RPS6KA5: variants seen among roughly 807,000 people sequenced by gnomAD.
RPS6KA5 encodes the protein ribosomal protein S6 kinase A5.
RPS6KA5 carries 27 observed loss-of-function variants against 85.5 expected under a neutral mutation model. The ratio of observed to expected loss-of-function variants is 0.32; its 90% CI spans 0.23 to 0.44. The LOEUF is 0.44. Among genes scored for constraint, RPS6KA5 ranks in the 20% least tolerant of loss-of-function variants. The probability of loss-of-function intolerance (pLI) is 1.00; values close to 1 mark genes in which losing one functional copy is unlikely to be tolerated. For missense variants in RPS6KA5, 811 were observed against 980.9 expected (o/e 0.83, Z 2.31); for synonymous variants, 334 against 348.2 (o/e 0.96, Z 0.46).
intron 3 of RPS6KA5, among the ~76,000 whole-genome samples, chr14:90,976,718 G>T (rs1312395255): frequency 6.6e-6 from 1 of 152,110 alleles, no homozygotes; most frequent in African/African-American, 2.4e-5. Flanking sequence ...TGGAACAATA[G>T]GCAAATGATA....
intron 14 of RPS6KA5, among the ~76,000 whole-genome samples, chr14:90,877,300 G>A (rs1455085864): frequency 6.6e-6 from 1 of 152,176 alleles, no homozygotes; most frequent in South Asian, 2.1e-4. Flanking sequence ...TCTAAGAAGG[G>A]CAATGTCAGA....
At chr14:91,037,106 A>G (rs1453324569) in intron 1 of RPS6KA5, among the ~76,000 whole-genome samples, 1 of 152,208 alleles carries the variant, frequency 6.6e-6, no homozygotes, top group East Asian at 1.9e-4. Context: ...GGGGACAGGA[A>G]AGAACTTATC....
intron 3 of RPS6KA5, among the ~76,000 whole-genome samples, chr14:90,953,595 G>A (rs2038338233): frequency 2.0e-5 from 3 of 152,164 alleles, no homozygotes; most frequent in African/African-American, 7.2e-5. Context: ...AAACGGACGT[G>A]CAAGTAGGGA....
intron 7 of RPS6KA5, among the ~76,000 whole-genome samples, chr14:90,917,398 C>A (rs943178553): frequency 1.3e-5 from 2 of 149,984 alleles, no homozygotes; most frequent in Non-Finnish European, 3.0e-5. Flanking sequence ...TTCCCACATA[C>A]AAAGTATATA....
intron 12 of RPS6KA5, among the ~76,000 whole-genome samples, chr14:90,898,465 T>A (rs1405882982): frequency 6.6e-6 from 1 of 152,316 alleles, no homozygotes; most frequent in East Asian, 1.9e-4. Flanking sequence ...GTCACAGATA[T>A]TACAACAGCA....
At chr14:90,953,543 G>A (rs971808350) in intron 3 of RPS6KA5, among the ~76,000 whole-genome samples, 3 of 152,176 alleles carry the variant, frequency 2.0e-5, no homozygotes, top group African/African-American at 7.2e-5. Context: ...CTGCAGGGTT[G>A]GGCAAAATAG....
intron 1 of RPS6KA5, among the ~76,000 whole-genome samples, chr14:91,033,226 A>G (rs1393766100): frequency 6.6e-6 from 1 of 151,508 alleles, no homozygotes; most frequent in Non-Finnish European, 1.5e-5. Flanking sequence ...GTTCAACCTC[A>G]CTAATAATAA....
chr14:90,996,180 A>AT (rs2040510751), intron 2 of RPS6KA5, among the ~76,000 whole-genome samples: 1 of 151,200 alleles, frequency 6.6e-6, no homozygotes, highest in African/African-American at 2.4e-5. Context: ...GCCCAGGCTA[A>AT]TTTGTTTTTT....
At chr14:91,026,803 C>T (rs893102754) in intron 1 of RPS6KA5, among the ~76,000 whole-genome samples, 2 of 152,122 alleles carry the variant, frequency 1.3e-5, no homozygotes, top group African/African-American at 4.8e-5. Flanking sequence ...TATTTTTTTA[C>T]TTTCTAATAA....
At chr14:90,954,440 G>A (rs996455912) in intron 3 of RPS6KA5, among the ~76,000 whole-genome samples, 21 of 152,162 alleles carry the variant, frequency 1.4e-4, no homozygotes, top group African/African-American at 4.6e-4. Context: ...TTGAGAGAAA[G>A]TCTCCCTCTG....
chr14:90,848,583 T>C lies in RPS6KA5; in HGVS notation c.*23491A>G, dbSNP rs1047961020. 9 of 152,112 alleles carry C rather than the reference T, an allele frequency of 5.9e-5. No homozygotes were observed. Among genetic ancestry groups the C allele is most frequent in the African/African-American group, 1.9e-4 (8 of 41,432 alleles). 9.4% of individuals were successfully genotyped at this position (152,112 alleles called of 1,614,324 possible). ...AAAGGAAAATGACATAAAATGAAGA[T>C]ACAAAATAAAATTGATCCTTGATGT... On this transcript the variant is annotated 3_prime_UTR_variant, in exon 17 of 17. Coordinates refer to ENST00000614987, the MANE Select transcript of RPS6KA5 (RefSeq NM_004755.4).
At chr14:90,886,084 A>G (rs970983390) in intron 14 of RPS6KA5, among the ~76,000 whole-genome samples, 1 of 152,074 alleles carries the variant, frequency 6.6e-6, no homozygotes, top group African/African-American at 2.4e-5. Flanking sequence ...ATAAAGATAT[A>G]TATGTATGTC....
intron 1 of RPS6KA5, among the ~76,000 whole-genome samples, chr14:91,050,445 T>A (rs2043030180): frequency 6.6e-6 from 1 of 151,866 alleles, no homozygotes; most frequent in South Asian, 2.1e-4. Context: ...GTTTGTTTGT[T>A]TTTGGCACAG....
chr14:90,891,784 G>A (rs1278679046), intron 13 of RPS6KA5, among the ~76,000 whole-genome samples: 1 of 152,166 alleles, frequency 6.6e-6, no homozygotes, highest in Non-Finnish European at 1.5e-5. Flanking sequence ...TTGAATTTGT[G>A]ACACTGAAGC....
rs2032273755 is a variant in RPS6KA5, at chr14:90,856,134, G to A, written c.*15940C>T. 1 of 152,236 alleles carries A rather than the reference G, an allele frequency of 6.6e-6. No homozygotes were observed. The highest frequency in any genetic ancestry group is 1.5e-5 in the Non-Finnish European group (1 of 68,050). 9.4% of individuals were successfully genotyped at this position (152,236 alleles called of 1,614,324 possible). A position where few individuals can be genotyped will look rare whatever the true frequency, so the allele number is the denominator to read the frequency against. On this transcript the variant is annotated 3_prime_UTR_variant, in exon 17 of 17. Coordinates refer to ENST00000614987, the MANE Select transcript of RPS6KA5 (RefSeq NM_004755.4). ...ATAATGGGAAAAGTATGATTCCCAAGGAGGTTCCCTTTCTCTGTTAAGCTG... is the reference window on the plus strand; with the variant it reads ...ATAATGGGAAAAGTATGATTCCCAAAGAGGTTCCCTTTCTCTGTTAAGCTG...
rs150558776 is a variant in RPS6KA5 at position 90,908,306 on chromosome 14, T to C, written c.807-2007A>G. Among the ~76,000 whole-genome samples, 1,186 of 152,130 alleles carry C rather than the reference T, an allele frequency of 7.8e-3. 19 individuals carry two copies. Among genetic ancestry groups the C allele is most frequent in the African/African-American group, 0.027 (1,130 of 41,490 alleles). ...GAGGCAGGGACCACACTGGGAGAAATTGAGTACAAATCTGAAAGCATGTCG... is the reference window on the plus strand; with the variant it reads ...GAGGCAGGGACCACACTGGGAGAAACTGAGTACAAATCTGAAAGCATGTCG... On this transcript the variant is annotated intron_variant, in intron 7 of 16. Coordinates refer to ENST00000614987, the MANE Select transcript of RPS6KA5 (RefSeq NM_004755.4).
At chr14:90,877,702 AT>A (rs991957257) in intron 14 of RPS6KA5, among the ~76,000 whole-genome samples, 4 of 151,504 alleles carry the variant, frequency 2.6e-5, no homozygotes, top group African/African-American at 9.7e-5. Flanking sequence ...TTAGAATGCC[AT>A]TTTTTTTCTT....
chr14:91,010,179 A>T (rs2041199074), intron 1 of RPS6KA5, among the ~76,000 whole-genome samples: 1 of 152,146 alleles, frequency 6.6e-6, no homozygotes, highest in Admixed American at 6.5e-5. Context: ...AAATTTTTTA[A>T]AGTTTAAAAG....
intron 1 of RPS6KA5, among the ~76,000 whole-genome samples, chr14:91,024,914 C>T (rs2041928931): frequency 6.6e-6 from 1 of 152,080 alleles, no homozygotes; most frequent in African/African-American, 2.4e-5. Context: ...CCAAGTCTCG[C>T]TCTGTCACCC....
Sources: allele counts gnomAD v4.1 joint callset (sites outside exome capture counted in the v4.1 genomes callset), GRCh38; gene constraint gnomAD v4.1.1; transcripts MANE v1.5; gene names NCBI Gene and HGNC (gene_info 2026-07-23, HGNC 2026-07-21).